Variants in TENM3 observed in about 807,000 individuals in gnomAD.
The protein encoded by TENM3 is teneurin transmembrane protein 3.
In TENM3, 63 loss-of-function variants were observed where a neutral mutation model predicts 255.1. That is an observed-to-expected ratio of 0.25 (90% confidence interval 0.20 to 0.30). TENM3 has a LOEUF of 0.30. Among genes scored for constraint, TENM3 ranks in the 10% least tolerant of loss-of-function variants. The pLI is 1.00. For missense variants in TENM3, 2,929 were observed against 3,461.1 expected (o/e 0.85, Z 3.86); for synonymous variants, 1,306 against 1,322.3 (o/e 0.99, Z 0.27).
At chr4:182,427,108 A>AAATTT (rs1338331259) in intron 3 of TENM3, among the ~76,000 whole-genome samples, 1 of 152,172 alleles carries the variant, frequency 6.6e-6, no homozygotes. Flanking sequence ...TTGGATTCAT[A>AAATTT]AATTTAACTC....
chr4:182,469,945 T>G (rs1732960030), intron 3 of TENM3, among the ~76,000 whole-genome samples: 1 of 152,090 alleles, frequency 6.6e-6, no homozygotes, highest in Admixed American at 6.6e-5. Context: ...TCTGGAAGAG[T>G]TCCTATAAAT....
At chr4:181,879,020 CCTTA>C in the TENM3 span, among the ~76,000 whole-genome samples, 1 of 152,140 alleles carries the variant, frequency 6.6e-6, no homozygotes, top group Non-Finnish European at 1.5e-5. Context: ...CAGATCAACT[CCTTA>C]CTTAGTTTCA....
At chr4:182,601,211 G>T (rs1297667739) in intron 4 of TENM3, 50 bp downstream of exon 4, 2 of 1,452,016 alleles carry the variant, frequency 1.4e-6, no homozygotes. Context: ...TTCTCACCAG[G>T]AGCAATTTAC....
chr4:182,435,955 A>G (rs908125018), intron 3 of TENM3, among the ~76,000 whole-genome samples: 1 of 152,112 alleles, frequency 6.6e-6, no homozygotes, highest in Non-Finnish European at 1.5e-5. Context: ...AAAAAAAGAA[A>G]TGGCATATTA....
the TENM3 span, among the ~76,000 whole-genome samples, chr4:181,926,088 A>AT: frequency 6.6e-6 from 1 of 152,232 alleles, no homozygotes; most frequent in African/African-American, 2.4e-5. Context: ...TGTTCTATAG[A>AT]ATATGCAGCC....
chr4:181,527,845 A>G, the TENM3 span, among the ~76,000 whole-genome samples: 2 of 151,476 alleles, frequency 1.3e-5, no homozygotes, highest in Non-Finnish European at 2.9e-5. Context: ...CACATTTGAC[A>G]TTTTACTCTA....
At chr4:181,470,667 T>A in the TENM3 span, among the ~76,000 whole-genome samples, 1 of 152,182 alleles carries the variant, frequency 6.6e-6, no homozygotes, top group Admixed American at 6.5e-5. Context: ...CTTCAAACTT[T>A]CTCTCTTCAG....
chr4:181,838,303 C>T, the TENM3 span, among the ~76,000 whole-genome samples: 24 of 152,340 alleles, frequency 1.6e-4, no homozygotes, highest in South Asian at 2.1e-4. Context: ...TTCTCGCCTA[C>T]ATTCATGAAT....
At chr4:181,800,649 A>G in the TENM3 span, among the ~76,000 whole-genome samples, 1 of 152,102 alleles carries the variant, frequency 6.6e-6, no homozygotes, top group East Asian at 1.9e-4. Flanking sequence ...AGAATTCCTT[A>G]CCTATAGAGG....
chr4:182,144,884 ATCT>A (rs1008192526), intron 1 of TENM3: 24 of 150,338 alleles, frequency 1.6e-4, no homozygotes, highest in African/African-American at 5.4e-4. Flanking sequence ...ACGCGGGGAC[ATCT>A]TCTCAGCGCG....
chr4:181,518,402 T>C, the TENM3 span, among the ~76,000 whole-genome samples: 1 of 151,962 alleles, frequency 6.6e-6, no homozygotes, highest in Non-Finnish European at 1.5e-5. Context: ...ATAGGACTTG[T>C]TTTTTGTTGT....
At chr4:182,144,332 T>G (rs1050432342), upstream of TENM3, 6 of 151,768 alleles carry the variant, frequency 4.0e-5, no homozygotes, top group African/African-American at 1.2e-4. Context: ...CCCGCGGGCC[T>G]CCTCACCTGG....
At chr4:181,927,421 G>A in the TENM3 span, among the ~76,000 whole-genome samples, 1 of 152,224 alleles carries the variant, frequency 6.6e-6, no homozygotes, top group African/African-American at 2.4e-5. Context: ...TTCAAACTGG[G>A]CGGAGCCCAC....
the TENM3 span, among the ~76,000 whole-genome samples, chr4:181,520,440 C>T: frequency 1.3e-5 from 2 of 152,096 alleles, no homozygotes; most frequent in African/African-American, 4.8e-5. Flanking sequence ...TGTGTGCGTG[C>T]ATGTGTACAT....
chr4:181,938,357 A>AT, the TENM3 span, among the ~76,000 whole-genome samples: 1 of 152,202 alleles, frequency 6.6e-6, no homozygotes, highest in Non-Finnish European at 1.5e-5. Flanking sequence ...GTACTAATTA[A>AT]TTCATCTCTA....
At chr4:181,886,816 C>T in the TENM3 span, among the ~76,000 whole-genome samples, 1 of 152,062 alleles carries the variant, frequency 6.6e-6, no homozygotes, top group African/African-American at 2.4e-5. Flanking sequence ...TTGGGTTAAT[C>T]ATCAGTTTCA....
chr4:182,508,928 T>G (rs898360110), intron 3 of TENM3, among the ~76,000 whole-genome samples: 2 of 152,244 alleles, frequency 1.3e-5, no homozygotes, highest in African/African-American at 2.4e-5. Flanking sequence ...GAACGTCCAG[T>G]AAATTTTCTT....
chr4:181,687,739 C>T, the TENM3 span, among the ~76,000 whole-genome samples: 1 of 152,140 alleles, frequency 6.6e-6, no homozygotes, highest in Non-Finnish European at 1.5e-5. Context: ...GTGAGACTTA[C>T]TTCTACTGTA....
At chr4:181,471,880 G>A in the TENM3 span, among the ~76,000 whole-genome samples, 2,909 of 152,200 alleles carry the variant, frequency 0.019, 97 homozygotes, top group African/African-American at 0.066. Flanking sequence ...TATTTTTATG[G>A]ACAGTCATGC....
Sources: gnomAD v4.1 joint callset for allele counts (sites outside exome capture counted in the v4.1 genomes callset) on GRCh38, gnomAD v4.1.1 for gene constraint, MANE v1.5 for transcripts, NCBI Gene and HGNC (gene_info 2026-07-23, HGNC 2026-07-21) for gene names.